Variants in CSMD3 observed in about 807,000 individuals in gnomAD.
CSMD3 encodes the protein CUB and sushi domain-containing protein 3.
CSMD3 carries 177 observed loss-of-function variants against 435.2 expected under a neutral mutation model. The observed-to-expected ratio is 0.41, with a 90% CI of 0.36 to 0.46. CSMD3 has a LOEUF of 0.46. CSMD3 is among the 20% of genes least tolerant of loss of function. The probability of loss-of-function intolerance (pLI) is 0.34; values close to 1 mark genes in which losing one functional copy is unlikely to be tolerated. For missense variants in CSMD3, 4,265 were observed against 4,504.6 expected (o/e 0.95, Z 1.52); for synonymous variants, 1,656 against 1,520.5 (o/e 1.09, Z -2.07).
intron 2 of CSMD3, among the ~76,000 whole-genome samples, chr8:113,305,342 T>C (rs533431847): frequency 6.6e-6 from 1 of 152,174 alleles, no homozygotes; most frequent in African/African-American, 2.4e-5. Flanking sequence ...AATGAATGTT[T>C]ATGGAGCGTG....
Position 112,228,689 on chromosome 8 carries a change from G to C in CSMD3, c.10964+67C>G, listed in dbSNP as rs1263575502. 1.1e-5 allele frequency: 17 copies of C among 1,491,510 alleles called. No individual in the cohort carries two copies. The South Asian group carries it at 1.4e-4, about 12-fold the overall frequency. The allele number at this position is 1,491,510 out of a possible 1,614,324, so 92.4% of individuals were successfully genotyped here. On this transcript the variant is annotated intron_variant, in intron 70 of 70. Transcript: ENST00000297405. ...AAATTTGAAATTAAGATTTGAGCTA[G>C]AGCAGTAGAAATAACATGAAAAACA...
chr8:112,980,277 CA>C, intron 6 of CSMD3, among the ~76,000 whole-genome samples: 1 of 150,854 alleles, frequency 6.6e-6, no homozygotes, highest in Middle Eastern at 5.6e-3. Context: ...ATGGATGACC[CA>C]AAATATATAA....
chr8:112,531,705 A>C (rs1297840805), intron 27 of CSMD3, among the ~76,000 whole-genome samples: 1 of 152,202 alleles, frequency 6.6e-6, no homozygotes, highest in Admixed American at 6.6e-5. Flanking sequence ...GGAACTCAAT[A>C]ATAAATCCTA....
In CSMD3 at chr8:112,547,776, T is replaced by C. The variant is rs570909659; in HGVS notation, c.4564+2895A>G. On this transcript the variant is annotated intron_variant, in intron 27 of 70. Transcript: ENST00000297405. ...CTAAAGAAAAAAGAAGGTTTGGTGA[T>C]GGAAAGCAGCAGAGAGAGAGAGAGT... is the stretch of plus-strand genomic sequence containing the variant. Among the ~76,000 whole-genome samples the C allele has an allele frequency of 2.5e-3, 384 of 152,152 alleles. 2 individuals carry two copies. The highest frequency in any genetic ancestry group is 9.0e-3 in the African/African-American group (372 of 41,516).
At chr8:112,262,542 G>T (rs1297836710) in intron 61 of CSMD3, among the ~76,000 whole-genome samples, 1 of 152,058 alleles carries the variant, frequency 6.6e-6, no homozygotes, top group Non-Finnish European at 1.5e-5. Context: ...GTGTTAAGGA[G>T]AATAAATAAA....
In CSMD3 at chr8:112,380,392, G is replaced by A. The variant is rs957753639; in HGVS notation, c.6096C>T (p.Asp2032=). 1.9e-6 allele frequency: 3 copies of A among 1,601,656 alleles called. No individual in the cohort carries two copies. Among genetic ancestry groups the A allele is most frequent in the Middle Eastern group, 1.7e-4 (1 of 6,020 alleles). The change falls in exon 38 of 71, where the codon GAC becomes GAT. Residue 2032 remains aspartate, a synonymous_variant. Transcript: ENST00000297405. ...GAAATCCTGCAGCAGAAACACTGAT[G>A]TCTGATTGAAAATTTAGATACAGAT... ...SNNLYLNFQS[D]ISVSAAGFHL...
chr8:112,496,739 A>C (rs1586518723), intron 30 of CSMD3, among the ~76,000 whole-genome samples: 2 of 152,194 alleles, frequency 1.3e-5, no homozygotes, highest in Admixed American at 6.5e-5. Context: ...GGAGCTAAAA[A>C]TTAAAAGCAA....
rs555569961 is a variant in CSMD3 at position 113,166,240 on chromosome 8, C to T, written c.709+7482G>A. ...GAGTTTATGGCTGGGTGCGGTGGCT[C>T]ACACCTGTAATCCCAGCACTTTGGG... is the stretch of plus-strand genomic sequence containing the variant. On this transcript the variant is annotated intron_variant, in intron 4 of 70. Coordinates refer to ENST00000297405, the MANE Select transcript of CSMD3 (RefSeq NM_198123.2). 2.6e-5 allele frequency among the ~76,000 whole-genome samples: 4 copies of T among 152,140 alleles called. No homozygotes were observed. The East Asian group carries it at 7.7e-4, about 29-fold the overall frequency.
intron 11 of CSMD3, among the ~76,000 whole-genome samples, chr8:112,851,169 TC>T (rs2080474064): frequency 6.6e-6 from 1 of 152,140 alleles, no homozygotes; most frequent in Admixed American, 6.6e-5. Context: ...AAAAGTTACT[TC>T]CAGCATACCA....
At chr8:112,338,582 G>A (rs1039573611) in intron 42 of CSMD3, among the ~76,000 whole-genome samples, 26 of 151,906 alleles carry the variant, frequency 1.7e-4, no homozygotes, top group Admixed American at 3.3e-4. Flanking sequence ...CTACCAAACC[G>A]TTAAAATTTT....
chr8:113,010,517 A>G (rs886333816), intron 6 of CSMD3, among the ~76,000 whole-genome samples: 1 of 151,830 alleles, frequency 6.6e-6, no homozygotes, highest in Non-Finnish European at 1.5e-5. Flanking sequence ...TTTAAATTTT[A>G]GAAAATATTG....
At chr8:113,347,283 T>A (rs187238067) in intron 1 of CSMD3, among the ~76,000 whole-genome samples, 1 of 152,244 alleles carries the variant, frequency 6.6e-6, no homozygotes, top group Non-Finnish European at 1.5e-5. Context: ...CCTTTTTTTC[T>A]TTGTATTGTT....
chr8:113,316,012 C>G (rs1307885436), intron 1 of CSMD3, among the ~76,000 whole-genome samples: 2 of 152,066 alleles, frequency 1.3e-5, no homozygotes, highest in South Asian at 2.1e-4. Flanking sequence ...AGCCACCATG[C>G]CTGGCCTCTT....
rs2080761594 is a variant in CSMD3, at chr8:112,859,415, A to G, written c.1634-149T>C. 7.0e-6 allele frequency: 5 copies of G among 718,090 alleles called. No individual in the cohort carries two copies. In the Admixed American group the frequency reaches 8.9e-5, roughly 13 times the overall value. 44.5% of individuals were successfully genotyped at this position (718,090 alleles called of 1,614,324 possible). On this transcript the variant is annotated intron_variant, in intron 10 of 70. Transcript: ENST00000297405. ...TTATGGTATTCTAATGTCACTTATC[A>G]AAATACAGTGTTTTTAACACCCTGG...
At chr8:112,995,913 C>T (rs906530711) in intron 6 of CSMD3, among the ~76,000 whole-genome samples, 1 of 151,366 alleles carries the variant, frequency 6.6e-6, no homozygotes, top group Admixed American at 6.6e-5. Flanking sequence ...TTAAGTTGCC[C>T]TTCTATCTTA....
Position 113,399,291 on chromosome 8 carries a change from T to A in CSMD3, c.178+37386A>T, listed in dbSNP as rs137856924. On this transcript the variant is annotated intron_variant, in intron 1 of 70. Transcript: ENST00000297405. The stretch of plus-strand genomic sequence containing the variant: ...TTCCTCAAAAAGTTAATCATAAAGC[T>A]ACTCTATGACAAACAATTCAACTCC... 4.4e-3 allele frequency among the ~76,000 whole-genome samples: 663 copies of A among 151,458 alleles called. 3 individuals are homozygous for A. Among genetic ancestry groups the A allele is most frequent in the African/African-American group, 0.015 (633 of 41,412 alleles).
intron 1 of CSMD3, among the ~76,000 whole-genome samples, chr8:113,338,019 G>GT (rs1374816167): frequency 1.3e-5 from 2 of 151,790 alleles, no homozygotes; most frequent in African/African-American, 4.8e-5. Flanking sequence ...ATGGGAAAAA[G>GT]TATTAGCAAA....
chr8:112,783,081 T>G (rs1265818219), intron 13 of CSMD3, among the ~76,000 whole-genome samples: 1 of 152,078 alleles, frequency 6.6e-6, no homozygotes, highest in East Asian at 1.9e-4. Flanking sequence ...CTACTCATGT[T>G]TTTAGTGGGA....
At chr8:112,467,789 A>C (rs1818109802) in intron 32 of CSMD3, among the ~76,000 whole-genome samples, 1 of 152,162 alleles carries the variant, frequency 6.6e-6, no homozygotes, top group African/African-American at 2.4e-5. Flanking sequence ...CAGAGATTGG[A>C]GTAAACCAGC....
Sources: gnomAD v4.1 joint callset for allele counts (sites outside exome capture counted in the v4.1 genomes callset) on GRCh38, gnomAD v4.1.1 for gene constraint, MANE v1.5 for transcripts, NCBI Gene and HGNC (gene_info 2026-07-23, HGNC 2026-07-21) for gene names.